SHISA9: variants seen among roughly 807,000 people sequenced by gnomAD.
SHISA9 encodes protein shisa-9.
Under a neutral mutation model 38.0 loss-of-function variants are expected in SHISA9, and 13 were observed. The ratio of observed to expected loss-of-function variants is 0.34; its 90% CI spans 0.22 to 0.54. The LOEUF (loss-of-function observed/expected upper bound fraction) is 0.54, where lower values mean the gene tolerates loss of function less well. Among genes scored for constraint, SHISA9 ranks in the 20% least tolerant of loss-of-function variants. The pLI is 0.91. For synonymous variants in SHISA9, 275 were observed against 242.0 expected, an observed-to-expected ratio of 1.14 and a Z score of -1.27; for missense variants, 538 against 575.8, an observed-to-expected ratio of 0.93 and a Z score of 0.67.
the SHISA9 span, among the ~76,000 whole-genome samples, chr16:13,532,037 C>T: frequency 1.3e-5 from 2 of 152,194 alleles, no homozygotes; most frequent in Non-Finnish European, 2.9e-5. Context: ...TTTTCTGCCT[C>T]CCCTCTAAGG....
At chr16:13,410,615 A>G in the SHISA9 span, among the ~76,000 whole-genome samples, 1 of 152,342 alleles carries the variant, frequency 6.6e-6, no homozygotes, top group Non-Finnish European at 1.5e-5. Context: ...AACAAAAAAA[A>G]AGTGTTTGCC....
intron 2 of SHISA9, among the ~76,000 whole-genome samples, chr16:12,925,226 AT>A (rs372916838): frequency 3.0e-3 from 452 of 152,076 alleles, no homozygotes; most frequent in African/African-American, 9.9e-3. Context: ...GAAACCGTCA[AT>A]TCCTTCCCAA....
downstream of SHISA9, among the ~76,000 whole-genome samples, chr16:13,244,871 A>T (rs139602956): frequency 9.4e-4 from 143 of 152,358 alleles, 2 homozygotes; most frequent in East Asian, 0.016. Context: ...TACTGTTGAC[A>T]AAGTCCCAGG....
chr16:12,965,341 C>T (rs960430035), intron 2 of SHISA9, among the ~76,000 whole-genome samples: 1 of 152,184 alleles, frequency 6.6e-6, no homozygotes, highest in African/African-American at 2.4e-5. Flanking sequence ...TCACCACTGC[C>T]TAATTCCAGA....
chr16:13,038,332 T>G (rs2073097597), intron 2 of SHISA9, among the ~76,000 whole-genome samples: 1 of 152,130 alleles, frequency 6.6e-6, no homozygotes, highest in Non-Finnish European at 1.5e-5. Context: ...TCTCCATCTC[T>G]CTCCCTTTCC....
chr16:13,170,623 A>G (rs1313183905), intron 2 of SHISA9, among the ~76,000 whole-genome samples: 3 of 152,190 alleles, frequency 2.0e-5, no homozygotes, highest in Admixed American at 6.6e-5. Flanking sequence ...CATCCTGCAC[A>G]TGTACCCCTG....
chr16:13,066,204 C>A (rs560903434), intron 2 of SHISA9, among the ~76,000 whole-genome samples: 1 of 152,152 alleles, frequency 6.6e-6, no homozygotes, highest in African/African-American at 2.4e-5. Context: ...TGGGTCCCTG[C>A]GTGACTACAG....
chr16:13,186,268 A>T (rs1355261463), intron 2 of SHISA9, among the ~76,000 whole-genome samples: 1 of 145,832 alleles, frequency 6.9e-6, no homozygotes, highest in African/African-American at 2.5e-5. Flanking sequence ...AAAAAATAAC[A>T]TGAAATTTAC....
the SHISA9 span, among the ~76,000 whole-genome samples, chr16:13,282,921 A>G: frequency 6.6e-6 from 1 of 152,056 alleles, no homozygotes; most frequent in Non-Finnish European, 1.5e-5. Flanking sequence ...TTTTTTAAAT[A>G]TCATTTGCGA....
chr16:13,425,302 C>T, the SHISA9 span, among the ~76,000 whole-genome samples: 141 of 152,254 alleles, frequency 9.3e-4, no homozygotes, highest in African/African-American at 3.3e-3. Context: ...GCCTTGCCAA[C>T]ATGGCAAAAC....
the SHISA9 span, among the ~76,000 whole-genome samples, chr16:13,499,622 T>G: frequency 6.7e-6 from 1 of 149,162 alleles, no homozygotes; most frequent in East Asian, 1.9e-4. Flanking sequence ...TGTACTGTTT[T>G]ATAATAAAAA....
At chr16:13,065,438 G>C (rs1275804145) in intron 2 of SHISA9, among the ~76,000 whole-genome samples, 1 of 152,184 alleles carries the variant, frequency 6.6e-6, no homozygotes, top group Non-Finnish European at 1.5e-5. Context: ...CAGAATTCAA[G>C]GCCAAAGCCA....
rs1023802922 is a variant in SHISA9, at chr16:12,921,353, C to T, written c.691+4538C>T. The stretch of plus-strand genomic sequence containing the variant: ...TACAAGGAATCCCAAAGCAGACCTG[C>T]GGCTTAGTTTCTGAGGACGCTGTAT... On this transcript the variant is annotated intron_variant, in intron 2 of 4. Coordinates refer to ENST00000558583, the MANE Select transcript of SHISA9 (RefSeq NM_001145204.3). 5.3e-5 allele frequency among the ~76,000 whole-genome samples: 8 copies of T among 152,292 alleles called. No homozygotes were observed. The South Asian group carries it at 8.3e-4, about 16-fold the overall frequency.
chr16:13,066,119 C>G (rs117086988), intron 2 of SHISA9, among the ~76,000 whole-genome samples: 154 of 152,314 alleles, frequency 1.0e-3, no homozygotes, highest in Non-Finnish European at 1.8e-3. Flanking sequence ...GTGTCTGATT[C>G]TCCACATCCT....
the SHISA9 span, among the ~76,000 whole-genome samples, chr16:13,359,179 G>A: frequency 1.3e-5 from 2 of 152,038 alleles, no homozygotes; most frequent in African/African-American, 4.8e-5. Context: ...CCAATAATTA[G>A]TACTGAGGAG....
chr16:13,362,665 A>G, the SHISA9 span, among the ~76,000 whole-genome samples: 1 of 152,148 alleles, frequency 6.6e-6, no homozygotes, highest in East Asian at 1.9e-4. Flanking sequence ...ACTTCATCCC[A>G]TCTTGTCCCT....
intron 2 of SHISA9, among the ~76,000 whole-genome samples, chr16:12,948,862 C>T (rs1307862662): frequency 6.6e-6 from 1 of 152,150 alleles, no homozygotes; most frequent in African/African-American, 2.4e-5. Flanking sequence ...CATATTTGCA[C>T]CATGCATTTT....
intron 4 of SHISA9, among the ~76,000 whole-genome samples, chr16:13,217,374 G>A (rs560581819): frequency 9.2e-5 from 14 of 152,312 alleles, no homozygotes; most frequent in Non-Finnish European, 1.9e-4. Flanking sequence ...AGATGAAGCC[G>A]TGTCTTTGGA....
chr16:13,410,322 T>C, the SHISA9 span, among the ~76,000 whole-genome samples: 2 of 152,232 alleles, frequency 1.3e-5, no homozygotes, highest in African/African-American at 2.4e-5. Flanking sequence ...AGTTTTATTA[T>C]TATGCTTTAA....
Sources: gnomAD v4.1 joint callset for allele counts (sites outside exome capture counted in the v4.1 genomes callset) on GRCh38, gnomAD v4.1.1 for gene constraint, MANE v1.5 for transcripts, NCBI Gene and HGNC (gene_info 2026-07-23, HGNC 2026-07-21) for gene names.